WDR7: variants seen among roughly 807,000 people sequenced by gnomAD.
The protein encoded by WDR7 is WD repeat-containing protein 7.
In WDR7, 46 loss-of-function variants were observed where a neutral mutation model predicts 169.4. The observed-to-expected ratio is 0.27, with a 90% CI of 0.21 to 0.35. WDR7 has a LOEUF of 0.35. Ranked by LOEUF, WDR7 falls within the 10% of genes least tolerant of loss-of-function variation. The probability of loss-of-function intolerance (pLI) is 1.00; values close to 1 mark genes in which losing one functional copy is unlikely to be tolerated. For missense variants in WDR7, 1,534 were observed against 1,859.3 expected, an observed-to-expected ratio of 0.83 and a Z score of 3.22; for synonymous variants, 612 against 666.8, an observed-to-expected ratio of 0.92 and a Z score of 1.27.
intron 1 of WDR7, among the ~76,000 whole-genome samples, chr18:56,651,963 C>T (rs938819033): frequency 1.2e-4 from 19 of 152,152 alleles, no homozygotes; most frequent in African/African-American, 4.3e-4. Context: ...ATAGTCTTTC[C>T]TTTCCTGTTG....
At chr18:56,912,737 C>T (rs2046569502) in intron 21 of WDR7, among the ~76,000 whole-genome samples, 2 of 152,144 alleles carry the variant, frequency 1.3e-5, no homozygotes, top group Non-Finnish European at 2.9e-5. Context: ...TGCTTTTCAC[C>T]CACCTCATTG....
chr18:56,718,399 G>GACA (rs981285994), intron 13 of WDR7, among the ~76,000 whole-genome samples: 1 of 152,108 alleles, frequency 6.6e-6, no homozygotes, highest in Admixed American at 6.5e-5. Context: ...CAGACATATG[G>GACA]ACAACAAAGT....
intron 26 of WDR7, among the ~76,000 whole-genome samples, chr18:57,014,691 C>T (rs183112951): frequency 2.6e-5 from 4 of 152,008 alleles, no homozygotes; most frequent in Admixed American, 2.6e-4. Flanking sequence ...AGAAATTCCA[C>T]ATCATGAGAT....
At chr18:56,952,938 G>A (rs1295418306) in intron 25 of WDR7, among the ~76,000 whole-genome samples, 2 of 152,152 alleles carry the variant, frequency 1.3e-5, no homozygotes, top group Non-Finnish European at 2.9e-5. Flanking sequence ...AGAGGTCGGG[G>A]GAGAAAGGAT....
intron 14 of WDR7, among the ~76,000 whole-genome samples, chr18:56,745,644 C>T (rs925441613): frequency 1.3e-5 from 2 of 152,264 alleles, no homozygotes; most frequent in East Asian, 1.9e-4. Context: ...TGTAGGACCC[C>T]GTTCCTAACA....
At chr18:56,943,961 GT>G (rs1287988915) in intron 25 of WDR7, among the ~76,000 whole-genome samples, 1 of 137,610 alleles carries the variant, frequency 7.3e-6, no homozygotes, top group Non-Finnish European at 1.6e-5. Context: ...GGCTTGTAGG[GT>G]TTTTTTGTAT....
intron 19 of WDR7, among the ~76,000 whole-genome samples, chr18:56,789,133 A>G (rs1271972326): frequency 1.3e-5 from 2 of 152,184 alleles, no homozygotes; most frequent in South Asian, 2.1e-4. Flanking sequence ...CACTAACCTA[A>G]TGGAATAACA....
intron 1 of WDR7, among the ~76,000 whole-genome samples, chr18:56,653,099 G>A (rs1280190968): frequency 1.3e-5 from 2 of 152,118 alleles, no homozygotes; most frequent in African/African-American, 4.8e-5. Context: ...ATGTTTATTA[G>A]ATGTATGAGT....
intron 20 of WDR7, among the ~76,000 whole-genome samples, chr18:56,876,566 A>T (rs1022685014): frequency 6.6e-6 from 1 of 152,216 alleles, no homozygotes; most frequent in African/African-American, 2.4e-5. Flanking sequence ...ACAATACATC[A>T]TGAATAAAGT....
chr18:56,783,652 A>G (rs565651623), intron 19 of WDR7, among the ~76,000 whole-genome samples: 2 of 152,212 alleles, frequency 1.3e-5, no homozygotes, highest in Non-Finnish European at 2.9e-5. Flanking sequence ...GCTATTGCAG[A>G]AGGGAGGTTA....
intron 1 of WDR7, among the ~76,000 whole-genome samples, chr18:56,665,395 CAAACAA>C (rs1164315383): frequency 1.3e-5 from 2 of 151,820 alleles, no homozygotes; most frequent in African/African-American, 4.9e-5. Context: ...GGGGCAAAAA[CAAACAA>C]ACAAACAAAA....
chr18:56,730,194 G>T (rs1443523813), intron 13 of WDR7, among the ~76,000 whole-genome samples: 1 of 152,150 alleles, frequency 6.6e-6, no homozygotes, highest in African/African-American at 2.4e-5. Context: ...TAGCTTTTGT[G>T]CAGTTTACAT....
intron 20 of WDR7, among the ~76,000 whole-genome samples, chr18:56,836,509 AG>A (rs1301700775): frequency 1.3e-5 from 2 of 152,232 alleles, no homozygotes; most frequent in Non-Finnish European, 2.9e-5. Flanking sequence ...CTTTTTGAAT[AG>A]CCATCACCAT....
chr18:56,788,168 C>T (rs2044431195), intron 19 of WDR7, among the ~76,000 whole-genome samples: 1 of 152,004 alleles, frequency 6.6e-6, no homozygotes, highest in African/African-American at 2.4e-5. Context: ...TTCAAAAAGT[C>T]TTTGGCTTTT....
intron 20 of WDR7, among the ~76,000 whole-genome samples, chr18:56,860,826 C>A (rs777043019): frequency 3.3e-5 from 5 of 151,226 alleles, no homozygotes; most frequent in Non-Finnish European, 7.4e-5. Context: ...TTTTATAATT[C>A]TTTTTCTGCC....
intron 21 of WDR7, among the ~76,000 whole-genome samples, chr18:56,914,783 ACAT>A (rs2046602857): frequency 6.6e-6 from 1 of 152,194 alleles, no homozygotes; most frequent in African/African-American, 2.4e-5. Flanking sequence ...GCATTAAGTA[ACAT>A]CATTTTGCTC....
At chr18:56,995,099 T>C (rs2047879672) in intron 26 of WDR7, among the ~76,000 whole-genome samples, 1 of 152,218 alleles carries the variant, frequency 6.6e-6, no homozygotes, top group Non-Finnish European at 1.5e-5. Context: ...CTTCTATATT[T>C]TCTGAGTCTG....
At chr18:56,979,676 T>C (rs2047614054) in intron 26 of WDR7, among the ~76,000 whole-genome samples, 1 of 152,210 alleles carries the variant, frequency 6.6e-6, no homozygotes, top group Non-Finnish European at 1.5e-5. Context: ...ATCAAATAAT[T>C]TCTAAATTTA....
chr18:56,666,343 A>G (rs768518959), intron 1 of WDR7, among the ~76,000 whole-genome samples: 3 of 150,970 alleles, frequency 2.0e-5, no homozygotes, highest in Admixed American at 6.6e-5. Context: ...AGCTGGGATT[A>G]CAGGCATGCG....
Sources: allele counts gnomAD v4.1 joint callset (sites outside exome capture counted in the v4.1 genomes callset), GRCh38; gene constraint gnomAD v4.1.1; transcripts MANE v1.5; gene names NCBI Gene and HGNC (gene_info 2026-07-23, HGNC 2026-07-21).